DSCAM: variants seen among roughly 807,000 people sequenced by gnomAD.
DSCAM encodes the protein cell adhesion molecule DSCAM.
Under a neutral mutation model 217.7 loss-of-function variants are expected in DSCAM, and 47 were observed. That is an observed-to-expected ratio of 0.22 (90% CI 0.17 to 0.28). The LOEUF is 0.28. Among genes scored for constraint, DSCAM ranks in the 10% least tolerant of loss-of-function variants. DSCAM has a pLI of 1.00. For synonymous variants in DSCAM, 1,056 were observed against 1,015.3 expected, an observed-to-expected ratio of 1.04 and a Z score of -0.76; for missense variants, 2,080 against 2,618.3, an observed-to-expected ratio of 0.79 and a Z score of 4.49.
intron 9 of DSCAM, among the ~76,000 whole-genome samples, chr21:40,309,110 CTGCCCT>C (rs1334877770): frequency 6.6e-6 from 1 of 152,142 alleles, no homozygotes; most frequent in African/African-American, 2.4e-5. Flanking sequence ...AAAATAACTC[CTGCCCT>C]TGCCCCATGT....
At chr21:40,715,027 C>T (rs973965826) in intron 1 of DSCAM, among the ~76,000 whole-genome samples, 1 of 152,222 alleles carries the variant, frequency 6.6e-6, no homozygotes, top group Non-Finnish European at 1.5e-5. Flanking sequence ...CTTCTGTCTT[C>T]CATCCTTCCA....
intron 19 of DSCAM, among the ~76,000 whole-genome samples, chr21:40,130,433 A>G (rs1304824462): frequency 6.6e-6 from 1 of 152,150 alleles, no homozygotes; most frequent in African/African-American, 2.4e-5. Flanking sequence ...GTAGTCACAG[A>G]CCCCAAAAAA....
chr21:40,233,926 C>T (rs2091403927), intron 11 of DSCAM, among the ~76,000 whole-genome samples: 1 of 152,138 alleles, frequency 6.6e-6, no homozygotes, highest in African/African-American at 2.4e-5. Context: ...GTAAGGTCTG[C>T]ACACTCCTTC....
intron 3 of DSCAM, among the ~76,000 whole-genome samples, chr21:40,529,311 G>A (rs2076425188): frequency 6.6e-6 from 1 of 152,296 alleles, no homozygotes; most frequent in South Asian, 2.1e-4. Context: ...AGAGGCGCTG[G>A]CATGCATCTG....
Position 40,328,528 on chromosome 21 carries a change from C to G in DSCAM, c.1783+9573G>C, listed in dbSNP as rs375321564. 7.9e-5 allele frequency among the ~76,000 whole-genome samples: 12 copies of G among 152,218 alleles called. 1 individual carries two copies. Among genetic ancestry groups the G allele is most frequent in the African/African-American group, 2.9e-4 (12 of 41,564 alleles). On this transcript the variant is annotated intron_variant, in intron 8 of 32. Coordinates refer to ENST00000400454, the MANE Select transcript of DSCAM (RefSeq NM_001389.5). ...AAATGGAAGGGCCTAAACTATGACA[C>G]TACTAGGAGAAAACATAGGGAAAAA...
intron 32 of DSCAM, 83 bp downstream of exon 32, chr21:40,042,288 G>C: frequency 6.7e-7 from 1 of 1,484,508 alleles, no homozygotes; most frequent in Non-Finnish European, 9.2e-7. Context: ...TGAACACTGA[G>C]AAGGGCTTTC....
chr21:40,462,249 T>C lies in DSCAM; in HGVS notation c.509-93004A>G, dbSNP rs113409613. Among the ~76,000 whole-genome samples, 569 of 152,284 alleles carry C rather than the reference T, an allele frequency of 3.7e-3. 1 individual carries two copies. The highest frequency in any genetic ancestry group is 0.013 in the African/African-American group (527 of 41,566). ...ACCCAAGAGTACTTCTATTAGAGCCTGGTACAGAGGCTCTCATGATGTGGC... is the reference window on the plus strand; with the variant it reads ...ACCCAAGAGTACTTCTATTAGAGCCCGGTACAGAGGCTCTCATGATGTGGC... On this transcript the variant is annotated intron_variant, in intron 3 of 32. Transcript: ENST00000400454.
At chr21:40,483,939 G>A (rs2076003712) in intron 3 of DSCAM, among the ~76,000 whole-genome samples, 1 of 152,172 alleles carries the variant, frequency 6.6e-6, no homozygotes, top group South Asian at 2.1e-4. Flanking sequence ...CAAGGCTGAG[G>A]AAGTATTTTT....
At position 40,299,410 on chromosome 21, in the gene DSCAM, C is replaced by G. The variant is rs116095088; in HGVS notation, c.2063-3236G>C. Among the ~76,000 whole-genome samples, 1,334 of 152,232 alleles carry G rather than the reference C, an allele frequency of 8.8e-3. 17 individuals are homozygous for G. The highest frequency in any genetic ancestry group is 0.03 in the African/African-American group (1,265 of 41,536). On this transcript the variant is annotated intron_variant, in intron 9 of 32. Coordinates refer to ENST00000400454, the MANE Select transcript of DSCAM (RefSeq NM_001389.5). ...GAACTTGTGAGTTACAATAAGAACTCTAAGACTGGGAACATCCATGTACTT... is the reference window on the plus strand; with the variant it reads ...GAACTTGTGAGTTACAATAAGAACTGTAAGACTGGGAACATCCATGTACTT...
chr21:40,559,451 C>A (rs62223578), intron 3 of DSCAM, among the ~76,000 whole-genome samples: 5 of 128,586 alleles, frequency 3.9e-5, no homozygotes, highest in Non-Finnish European at 6.7e-5. Flanking sequence ...AGAGCGAGAC[C>A]CCGTCTCAAA....
intron 3 of DSCAM, among the ~76,000 whole-genome samples, chr21:40,392,348 C>A (rs1476550344): frequency 2.0e-5 from 3 of 152,002 alleles, no homozygotes; most frequent in African/African-American, 7.2e-5. Context: ...AGCAATAAAA[C>A]AAGCCTCAAA....
chr21:40,468,752 C>T (rs964405244), intron 3 of DSCAM, among the ~76,000 whole-genome samples: 3 of 151,574 alleles, frequency 2.0e-5, no homozygotes, highest in Admixed American at 2.0e-4. Flanking sequence ...TAGATATTTT[C>T]TGAAAGTTAG....
intron 18 of DSCAM, among the ~76,000 whole-genome samples, chr21:40,135,570 G>A (rs765081399): frequency 1.3e-5 from 2 of 152,320 alleles, no homozygotes; most frequent in East Asian, 1.9e-4. Context: ...AGGCACCCAC[G>A]AGCCGTCGTG....
In DSCAM at chr21:40,187,337, G is replaced by A. The variant is rs1419234053; in HGVS notation, c.2651-78C>T. 1.9e-6 allele frequency: 3 copies of A among 1,555,956 alleles called. No homozygotes were observed. The Admixed American group carries it at 5.7e-5, about 29-fold the overall frequency. On this transcript the variant is annotated intron_variant, in intron 13 of 32. Transcript: ENST00000400454. ...AAACGCTAGTGGAAATGCTGAGCGT[G>A]ACTCACAAACGATTTGTCTGCATTA...
chr21:40,032,699 T>C (rs1382801126), intron 32 of DSCAM, among the ~76,000 whole-genome samples: 1 of 152,144 alleles, frequency 6.6e-6, no homozygotes, highest in East Asian at 1.9e-4. Flanking sequence ...GGGAACCAGC[T>C]CTTTGACACT....
chr21:40,044,555 G>A (rs1156555075), intron 30 of DSCAM, among the ~76,000 whole-genome samples: 5 of 152,128 alleles, frequency 3.3e-5, no homozygotes, highest in African/African-American at 1.2e-4. Context: ...CTTTAATAAT[G>A]TTATGACCCT....
intron 18 of DSCAM, among the ~76,000 whole-genome samples, chr21:40,139,104 GGT>G (rs1196395858): frequency 6.9e-6 from 1 of 145,540 alleles, no homozygotes; most frequent in Non-Finnish European, 1.5e-5. Flanking sequence ...TGTGTGGTGT[GGT>G]GTGTGGTGTG....
intron 3 of DSCAM, among the ~76,000 whole-genome samples, chr21:40,371,557 G>A (rs1245695377): frequency 1.3e-5 from 2 of 152,172 alleles, no homozygotes; most frequent in East Asian, 3.9e-4. Context: ...CAGAAAGGTT[G>A]AGAAATGCAC....
chr21:40,352,590 A>G (rs2074644227), intron 5 of DSCAM, among the ~76,000 whole-genome samples: 1 of 152,106 alleles, frequency 6.6e-6, no homozygotes, highest in African/African-American at 2.4e-5. Context: ...GGGGAGGAGG[A>G]AGTAAGAAAA....
Sources: gnomAD v4.1 joint callset for allele counts (sites outside exome capture counted in the v4.1 genomes callset) on GRCh38, gnomAD v4.1.1 for gene constraint, MANE v1.5 for transcripts, NCBI Gene and HGNC (gene_info 2026-07-23, HGNC 2026-07-21) for gene names.